Variants in GLB1 observed in about 807,000 individuals in gnomAD.
The protein encoded by GLB1 is beta-galactosidase.
In GLB1, 56 loss-of-function variants were observed where a neutral mutation model predicts 74.0. That is an observed-to-expected ratio of 0.76 (90% CI 0.61 to 0.94). The LOEUF is 0.94. Among genes scored for constraint, GLB1 ranks in the 40% least tolerant of loss-of-function variants. The pLI is 0.00. For missense variants in GLB1, 787 were observed against 845.5 expected (o/e 0.93, Z 0.86); for synonymous variants, 323 against 323.6 (o/e 1.00, Z 0.02).
At chr3:32,964,903 T>C in the GLB1 span, among the ~76,000 whole-genome samples, 1 of 152,170 alleles carries the variant, frequency 6.6e-6, no homozygotes, top group Non-Finnish European at 1.5e-5. Flanking sequence ...GTTCTTGTGA[T>C]AGTGAATAAG....
chr3:33,073,562 T>A (rs1377701508), intron 1 of GLB1, among the ~76,000 whole-genome samples: 1 of 151,560 alleles, frequency 6.6e-6, no homozygotes, highest in Non-Finnish European at 1.5e-5. Flanking sequence ...GTGGTGCACG[T>A]CTATAATCCC....
intron 1 of GLB1, among the ~76,000 whole-genome samples, chr3:33,084,025 T>C (rs554264633): frequency 6.6e-6 from 1 of 152,328 alleles, no homozygotes; most frequent in South Asian, 2.1e-4. Flanking sequence ...TATGTGAAGA[T>C]GATCTGTCTT....
intron 10 of GLB1, chr3:33,034,783 C>A: frequency 1.6e-6 from 1 of 633,994 alleles, no homozygotes; most frequent in South Asian, 1.4e-5. Context: ...CAGCTTCAGT[C>A]ATAGAGGGCC....
At chr3:33,079,946 A>G (rs1410173049) in intron 1 of GLB1, among the ~76,000 whole-genome samples, 1 of 152,002 alleles carries the variant, frequency 6.6e-6, no homozygotes, top group Non-Finnish European at 1.5e-5. Flanking sequence ...ATGCTCAGTT[A>G]ATAATTTTCA....
chr3:33,044,076 T>C (rs1365711055), intron 10 of GLB1, among the ~76,000 whole-genome samples: 1 of 152,148 alleles, frequency 6.6e-6, no homozygotes, highest in Non-Finnish European at 1.5e-5. Flanking sequence ...AATGGCACCA[T>C]TAATAAACTT....
chr3:33,009,154 T>TAAATAAAA (rs761134064), intron 15 of GLB1, among the ~76,000 whole-genome samples: 6 of 131,586 alleles, frequency 4.6e-5, no homozygotes, highest in South Asian at 6.1e-4. Flanking sequence ...AATAAATAAA[T>TAAATAAAA]AAAAAAGATT....
At chr3:33,094,103 CA>C in intron 1 of GLB1, 1 of 1,614,244 alleles carries the variant, frequency 6.2e-7, no homozygotes. Flanking sequence ...GGCTCTCTGC[CA>C]GATACGAGCG....
At chr3:32,962,642 C>T in the GLB1 span, among the ~76,000 whole-genome samples, 1 of 151,908 alleles carries the variant, frequency 6.6e-6, no homozygotes, top group South Asian at 2.1e-4. Context: ...ATACATCAAA[C>T]TCAATTACAT....
chr3:33,089,400 A>C (rs536583115), intron 1 of GLB1, among the ~76,000 whole-genome samples: 1 of 152,336 alleles, frequency 6.6e-6, no homozygotes, highest in African/African-American at 2.4e-5. Flanking sequence ...AGAATATATA[A>C]AGAACTCCTA....
At chr3:33,010,177 C>A (rs1242287406) in intron 15 of GLB1, among the ~76,000 whole-genome samples, 2 of 152,206 alleles carry the variant, frequency 1.3e-5, no homozygotes, top group African/African-American at 4.8e-5. Flanking sequence ...AAACTATGCT[C>A]CCAAATGTAC....
intron 15 of GLB1, among the ~76,000 whole-genome samples, chr3:33,011,135 G>A (rs1697005038): frequency 6.6e-6 from 1 of 152,136 alleles, no homozygotes. Context: ...GGGATTTACA[G>A]GCATGAGCCA....
At chr3:33,087,058 T>TATAA (rs771459670) in intron 1 of GLB1, among the ~76,000 whole-genome samples, 6 of 148,232 alleles carry the variant, frequency 4.0e-5, no homozygotes, top group Non-Finnish European at 7.5e-5. Context: ...AAAAAGAAGA[T>TATAA]ATAAATAAAT....
downstream of GLB1, among the ~76,000 whole-genome samples, chr3:32,995,236 TCTCTGCTTGTCTCTAGGGCAG>T (rs1308143234): frequency 2.2e-4 from 33 of 152,276 alleles, no homozygotes; most frequent in African/African-American, 7.2e-4. Context: ...TTCTGGAGAT[TCTCTGCTTGTCTCTAGGGCAG>T]GGGAACTGCA....
At chr3:32,968,143 A>G in the GLB1 span, among the ~76,000 whole-genome samples, 1 of 152,170 alleles carries the variant, frequency 6.6e-6, no homozygotes, top group Non-Finnish European at 1.5e-5. Flanking sequence ...AGAAAGGTTA[A>G]TTTACTAGCA....
Position 33,095,853 on chromosome 3 carries a change from C to T in GLB1, c.75+1158G>A, listed in dbSNP as rs557193211. On this transcript the variant is annotated intron_variant, in intron 1 of 15. Transcript: ENST00000307363. Reference sequence around the variant, plus strand: ...GCTAGCTCTGACTCCTAAGGTCCTACGGGCCTTCTGGACAAGAAAACTCTG... The same window carrying T: ...GCTAGCTCTGACTCCTAAGGTCCTATGGGCCTTCTGGACAAGAAAACTCTG... Among the ~76,000 whole-genome samples the T allele has an allele frequency of 3.3e-5, 5 of 152,318 alleles. No individual in the cohort carries two copies. In the East Asian group the frequency reaches 9.7e-4, roughly 29 times the overall value.
chr3:33,087,294 G>A (rs1181528275), intron 1 of GLB1, among the ~76,000 whole-genome samples: 2 of 152,086 alleles, frequency 1.3e-5, no homozygotes, highest in Non-Finnish European at 2.9e-5. Flanking sequence ...AAGAGGCCGG[G>A]TACGGTGGCT....
At chr3:33,078,472 C>T (rs796170455) in intron 1 of GLB1, among the ~76,000 whole-genome samples, 4 of 152,130 alleles carry the variant, frequency 2.6e-5, no homozygotes, top group East Asian at 1.9e-4. Context: ...TGATTTAACA[C>T]GAAGTACAGT....
chr3:32,986,479 C>A, the GLB1 span, among the ~76,000 whole-genome samples: 4 of 152,180 alleles, frequency 2.6e-5, no homozygotes, highest in Non-Finnish European at 4.4e-5. Flanking sequence ...TCACATTGAG[C>A]TCCCTGATAT....
rs1553607014 is a variant in GLB1 at position 33,021,657 on chromosome 3, T to C, written c.1144-2A>G. ...CAGAGCTGCTCCCACTGTCTTTAAC[T>C]GAAAAGAAACAAAAGCAGCATTCAC... is the stretch of plus-strand genomic sequence containing the variant. On this transcript the variant is annotated splice_acceptor_variant, in intron 11 of 15. Transcript: ENST00000307363. LOFTEE classifies it high-confidence loss of function. 1.2e-6 allele frequency: 2 copies of C among 1,613,448 alleles called. No homozygotes were observed. The highest frequency in any genetic ancestry group is 2.2e-5 in the South Asian group (2 of 90,856).
Sources: gnomAD v4.1 joint callset for allele counts (sites outside exome capture counted in the v4.1 genomes callset) on GRCh38, gnomAD v4.1.1 for gene constraint, MANE v1.5 for transcripts, NCBI Gene and HGNC (gene_info 2026-07-23, HGNC 2026-07-21) for gene names.